The following SCAPER variants were observed in gnomAD, a reference collection of about 807,000 sequenced individuals.
SCAPER encodes S-phase cyclin A associated protein in the ER, also known as S phase cyclin A-associated protein in the endoplasmic reticulum.
A neutral mutation model predicts 182.2 loss-of-function variants in SCAPER; 98 were observed. The observed-to-expected ratio is 0.54, with a 90% CI of 0.46 to 0.64. The LOEUF is 0.64. Among genes scored for constraint, SCAPER ranks in the 30% least tolerant of loss-of-function variants. The probability of loss-of-function intolerance (pLI) is 0.00; values close to 1 mark genes in which losing one functional copy is unlikely to be tolerated. For missense variants in SCAPER, 1,432 were observed against 1,690.0 expected (o/e 0.85, Z 2.68); for synonymous variants, 605 against 564.6 (o/e 1.07, Z -1.01).
At chr15:76,433,464 C>T (rs773142718) in intron 26 of SCAPER, among the ~76,000 whole-genome samples, 12 of 151,996 alleles carry the variant, frequency 7.9e-5, no homozygotes, top group Admixed American at 1.3e-4. Flanking sequence ...GCCAAGGTTG[C>T]GCTGCACCAC....
chr15:76,841,020 C>T (rs1388386915), intron 5 of SCAPER, among the ~76,000 whole-genome samples: 1 of 152,150 alleles, frequency 6.6e-6, no homozygotes, highest in African/African-American at 2.4e-5. Context: ...TCCAATTAGA[C>T]ATTAAACATG....
At chr15:76,890,351 ACC>A (rs1402521437) in intron 1 of SCAPER, among the ~76,000 whole-genome samples, 1 of 152,182 alleles carries the variant, frequency 6.6e-6, no homozygotes, top group African/African-American at 2.4e-5. Context: ...GACACAAAAA[ACC>A]CTTCAAAAAA....
intron 21 of SCAPER, 135 bp downstream of exon 21, chr15:76,665,518 A>T: frequency 9.4e-7 from 1 of 1,059,154 alleles, no homozygotes; most frequent in Non-Finnish European, 1.3e-6. Flanking sequence ...AGTGGCTATA[A>T]ATTAGGCTCA....
intron 21 of SCAPER, among the ~76,000 whole-genome samples, chr15:76,652,329 CACAT>C (rs1334874709): frequency 2.8e-5 from 1 of 35,590 alleles, no homozygotes; most frequent in Non-Finnish European, 4.9e-5. Context: ...CACACACACA[CACAT>C]ACACATATAT....
chr15:76,541,226 A>ATAT (rs143258686), intron 23 of SCAPER, among the ~76,000 whole-genome samples: 2 of 151,676 alleles, frequency 1.3e-5, no homozygotes, highest in Non-Finnish European at 2.9e-5. Flanking sequence ...TTTATTAAAA[A>ATAT]ATATATATCT....
intron 10 of SCAPER, 104 bp downstream of exon 10, chr15:76,771,638 C>T: frequency 2.6e-6 from 2 of 774,394 alleles, no homozygotes; most frequent in Non-Finnish European, 4.0e-6. Flanking sequence ...TATAAAAATG[C>T]TTTAAAAAGT....
intron 1 of SCAPER, among the ~76,000 whole-genome samples, chr15:76,895,097 A>G (rs2074362522): frequency 6.6e-6 from 1 of 152,238 alleles, no homozygotes; most frequent in East Asian, 1.9e-4. Flanking sequence ...TTACAGGCCC[A>G]TATCCCTGAT....
intron 5 of SCAPER, among the ~76,000 whole-genome samples, chr15:76,832,589 C>T (rs1431264554): frequency 6.6e-6 from 1 of 152,156 alleles, no homozygotes; most frequent in Admixed American, 6.5e-5. Flanking sequence ...TGTCTCCTCC[C>T]AAATCTCAAG....
At chr15:76,499,752 C>T (rs1030172242) in intron 24 of SCAPER, among the ~76,000 whole-genome samples, 35 of 152,044 alleles carry the variant, frequency 2.3e-4, no homozygotes, top group African/African-American at 8.2e-4. Context: ...AACTTTAGGG[C>T]TGACACAAAG....
intron 14 of SCAPER, among the ~76,000 whole-genome samples, chr15:76,764,446 C>T (rs1237422492): frequency 6.6e-6 from 1 of 152,196 alleles, no homozygotes; most frequent in African/African-American, 2.4e-5. Context: ...GGGGCCATGG[C>T]CAGCTGTGGC....
chr15:76,652,371 CATATATATAT>C (rs56164668), intron 21 of SCAPER, among the ~76,000 whole-genome samples: 8 of 8,060 alleles, frequency 9.9e-4, no homozygotes, highest in African/African-American at 2.1e-3. Context: ...CACACACACA[CATATATATAT>C]ATATATATAT....
At chr15:76,521,825 T>C (rs954689671) in intron 23 of SCAPER, among the ~76,000 whole-genome samples, 1 of 152,200 alleles carries the variant, frequency 6.6e-6, no homozygotes, top group African/African-American at 2.4e-5. Flanking sequence ...AATTTGTTTC[T>C]ATGGCAATGG....
At chr15:76,798,302 G>A (rs1239553814) in intron 7 of SCAPER, among the ~76,000 whole-genome samples, 2 of 150,076 alleles carry the variant, frequency 1.3e-5, no homozygotes, top group Non-Finnish European at 2.9e-5. Context: ...AGACATCGCA[G>A]TAAGCCAAGA....
At chr15:76,419,377 G>C (rs1423310565) in intron 26 of SCAPER, among the ~76,000 whole-genome samples, 1 of 150,040 alleles carries the variant, frequency 6.7e-6, no homozygotes, top group Non-Finnish European at 1.5e-5. Context: ...CCAGGATCTT[G>C]AAGTTATCAC....
rs571980207 is a variant in SCAPER at position 76,722,764 on chromosome 15, G to A, written c.2165+5831C>T. On this transcript the variant is annotated intron_variant, in intron 17 of 31. Transcript: ENST00000563290. The stretch of plus-strand genomic sequence containing the variant: ...TGGTAGTTTGTATTTCTGTGGGATC[G>A]GTGGTGATATCTCCTTTGTCATTTT... Among the ~76,000 whole-genome samples, 38 of 152,130 alleles carry A rather than the reference G, an allele frequency of 2.5e-4. No homozygotes were observed. The South Asian group carries it at 4.4e-3, about 17-fold the overall frequency.
chr15:76,544,663 T>G (rs1018580298), intron 23 of SCAPER, among the ~76,000 whole-genome samples: 2 of 152,120 alleles, frequency 1.3e-5, no homozygotes, highest in Non-Finnish European at 2.9e-5. Flanking sequence ...ATTGGGAGGT[T>G]AGTGGGAAAT....
chr15:76,848,594 A>G (rs1168550988), intron 4 of SCAPER, among the ~76,000 whole-genome samples: 4 of 152,018 alleles, frequency 2.6e-5, no homozygotes, highest in Non-Finnish European at 5.9e-5. Context: ...TCGGCCTCCC[A>G]AAGTGCTGGG....
chr15:76,679,922 A>C (rs1255590756), intron 20 of SCAPER, among the ~76,000 whole-genome samples: 1 of 152,210 alleles, frequency 6.6e-6, no homozygotes, highest in African/African-American at 2.4e-5. Flanking sequence ...TGAGCTCAAT[A>C]TTGCAACAAG....
chr15:76,393,148 C>G (rs1483918107), intron 27 of SCAPER, among the ~76,000 whole-genome samples: 1 of 152,140 alleles, frequency 6.6e-6, no homozygotes, highest in East Asian at 1.9e-4. Flanking sequence ...ATTGTGAGTA[C>G]AGAGACACCC....
Sources: gnomAD v4.1 joint callset for allele counts (sites outside exome capture counted in the v4.1 genomes callset) on GRCh38, gnomAD v4.1.1 for gene constraint, MANE v1.5 for transcripts, NCBI Gene and HGNC (gene_info 2026-07-23, HGNC 2026-07-21) for gene names.